Variants in CEP350 observed in about 807,000 individuals in gnomAD.
CEP350 encodes the protein centrosomal protein 350, also known as centrosome-associated protein 350.
CEP350 carries 126 observed loss-of-function variants against 331.8 expected under a neutral mutation model. That is an observed-to-expected ratio of 0.38 (90% CI 0.33 to 0.44). The LOEUF (loss-of-function observed/expected upper bound fraction) is 0.44, where lower values mean the gene tolerates loss of function less well. Ranked by LOEUF, CEP350 falls within the 20% of genes least tolerant of loss-of-function variation. CEP350 has a pLI of 1.00. For missense variants in CEP350, 3,406 were observed against 3,634.6 expected (o/e 0.94, Z 1.62); for synonymous variants, 1,200 against 1,259.5 (o/e 0.95, Z 1.00).
chr1:180,006,869 G>C (rs922455309), intron 8 of CEP350, among the ~76,000 whole-genome samples: 3 of 152,060 alleles, frequency 2.0e-5, no homozygotes, highest in African/African-American at 7.2e-5. Context: ...TTGGTTTTCT[G>C]TTCCTGTGTT....
At chr1:180,013,675 TA>T (rs1374930872) in intron 9 of CEP350, among the ~76,000 whole-genome samples, 171 bp from the exon 10 acceptor site, 2 of 152,206 alleles carry the variant, frequency 1.3e-5, no homozygotes, top group Non-Finnish European at 2.9e-5. Flanking sequence ...CTTTTACTGC[TA>T]AAAAGGGAGG....
intron 25 of CEP350, among the ~76,000 whole-genome samples, chr1:180,058,534 T>G (rs1013521040): frequency 6.6e-6 from 1 of 152,104 alleles, no homozygotes; most frequent in Non-Finnish European, 1.5e-5. Context: ...AAACCACATA[T>G]AGAAATGATA....
At chr1:180,061,923 GT>G (rs1558134287) in intron 25 of CEP350, among the ~76,000 whole-genome samples, 3 of 152,042 alleles carry the variant, frequency 2.0e-5, no homozygotes, top group African/African-American at 7.2e-5. Flanking sequence ...AAGTGTAAAC[GT>G]TGAGTAGCAT....
At chr1:180,099,043 C>T (rs1311318168) in intron 37 of CEP350, 58 bp downstream of exon 37, 8 of 1,526,816 alleles carry the variant, frequency 5.2e-6, no homozygotes, top group Middle Eastern at 4.5e-4. Flanking sequence ...ACTCAGAATG[C>T]AGTTAGATTC....
At chr1:180,031,019 A>G (rs1267235688) in intron 14 of CEP350, among the ~76,000 whole-genome samples, 1 of 152,024 alleles carries the variant, frequency 6.6e-6, no homozygotes, top group East Asian at 1.9e-4. Flanking sequence ...TTACTTTTTC[A>G]TAGGGATAGA....
chr1:180,045,574 C>G (rs1657066464), intron 21 of CEP350, among the ~76,000 whole-genome samples: 1 of 152,100 alleles, frequency 6.6e-6, no homozygotes, highest in Non-Finnish European at 1.5e-5. Context: ...TATTGAGTAG[C>G]TATTATGTCT....
chr1:179,987,200 T>G (rs1042148214), intron 2 of CEP350, 40 bp from the exon 3 acceptor site: 5 of 1,113,646 alleles, frequency 4.5e-6, no homozygotes, highest in Admixed American at 4.4e-5. Flanking sequence ...ATTCAGAGAT[T>G]CTGGTTGATT....
rs1652704355 is a variant in CEP350 at position 179,987,247 on chromosome 1, A to T, written c.81A>T (p.Ile27=). The T allele has an allele frequency of 6.5e-7, 1 of 1,543,976 alleles. No homozygotes were observed. Among genetic ancestry groups the T allele is most frequent in the Non-Finnish European group, 8.9e-7 (1 of 1,124,310 alleles). ...SQSKDTVQAD[I]TTSWDALSQT... is the part of the protein sequence containing the mutation. The stretch of plus-strand genomic sequence containing the variant: ...TATCATTTTTTTTCCCAGCAGATAT[A>T]ACCACATCGTGGGATGCACTTTCTC... The change falls in exon 3 of 38, where the codon ATA becomes ATT. Residue 27 remains isoleucine (I), a synonymous_variant. Transcript: ENST00000367607.
At chr1:180,040,154 C>T (rs1296524120) in intron 17 of CEP350, among the ~76,000 whole-genome samples, 2 of 151,786 alleles carry the variant, frequency 1.3e-5, no homozygotes, top group Non-Finnish European at 2.9e-5. Flanking sequence ...CGCCACTGCC[C>T]GACTAAATAA....
intron 1 of CEP350, chr1:179,969,171 G>T: frequency 1.7e-6 from 1 of 587,876 alleles, no homozygotes; most frequent in South Asian, 1.5e-5. Flanking sequence ...GTGCTGGCCG[G>T]GGAAGTTCTG....
chr1:179,986,569 T>C (rs1652661995), intron 2 of CEP350, among the ~76,000 whole-genome samples: 1 of 152,148 alleles, frequency 6.6e-6, no homozygotes, highest in African/African-American at 2.4e-5. Context: ...CAGATAATAA[T>C]AGTAACAGTC....
chr1:180,071,445 G>A (rs1243600101), intron 27 of CEP350, among the ~76,000 whole-genome samples: 1 of 143,584 alleles, frequency 7.0e-6, no homozygotes, highest in East Asian at 2.0e-4. Flanking sequence ...GGCAACACGA[G>A]TGAAACTCCA....
At chr1:180,007,852 G>GTGTGTGTGTA in intron 8 of CEP350, among the ~76,000 whole-genome samples, 1 of 150,384 alleles carries the variant, frequency 6.6e-6, no homozygotes, top group African/African-American at 2.5e-5. Flanking sequence ...GTGTGTGTGT[G>GTGTGTGTGTA]TGTGTGTGTG....
In CEP350 at chr1:180,093,130, C is replaced by A; in HGVS notation, c.7025C>A (p.Pro2342Gln). The A allele has an allele frequency of 6.2e-7, 1 of 1,601,230 alleles. No homozygotes were observed. Among genetic ancestry groups the A allele is most frequent in the South Asian group, 1.1e-5 (1 of 88,984 alleles). The stretch of plus-strand genomic sequence containing the variant: ...TCAGATCAAGATATGAATCATAGTC[C>A]AAACATCCAATCAGGAAAAGACATT... ...RQSDQDMNHS[P>Q]NIQSGKDIHE... Residue 2342 changes from proline to glutamine, a missense_variant, in exon 34 of 38, where the codon CCA (proline) becomes CAA (glutamine). By Grantham distance (76) the Pro-to-Gln change is moderately conservative (BLOSUM62 -1). Around this residue, in one of 5 missense-constraint regions of CEP350, gnomAD observed 1,415 missense variants for 1,512.3 expected, o/e 0.94. Transcript: ENST00000367607.
chr1:180,018,597 A>T (rs1332529921), intron 11 of CEP350, among the ~76,000 whole-genome samples: 2 of 152,138 alleles, frequency 1.3e-5, no homozygotes, highest in Non-Finnish European at 2.9e-5. Flanking sequence ...CATGCTTTTC[A>T]ACTTATTATT....
intron 13 of CEP350, among the ~76,000 whole-genome samples, 159 bp downstream of exon 13, chr1:180,023,007 C>T (rs1307641077): frequency 6.6e-6 from 1 of 152,128 alleles, no homozygotes; most frequent in Non-Finnish European, 1.5e-5. Flanking sequence ...TGGATCCAGA[C>T]TGCCTTTGTT....
At chr1:180,061,675 G>A (rs1658239363) in intron 25 of CEP350, among the ~76,000 whole-genome samples, 1 of 152,164 alleles carries the variant, frequency 6.6e-6, no homozygotes, top group African/African-American at 2.4e-5. Context: ...GACAGGGGCA[G>A]TCCTTTTTTG....
intron 21 of CEP350, among the ~76,000 whole-genome samples, chr1:180,047,523 G>A (rs533515573): frequency 2.6e-5 from 4 of 151,924 alleles, no homozygotes; most frequent in Admixed American, 1.3e-4. Flanking sequence ...TTGGGAGACC[G>A]AGGCAGGTGG....
rs145463492 is a variant in CEP350 at position 180,094,000 on chromosome 1, G to A, written c.7895G>A (p.Ser2632Asn). Residue 2632 changes from serine to asparagine, a missense_variant, in exon 34 of 38, where the codon AGC (serine) becomes AAC (asparagine). Transcript: ENST00000367607. Reference protein sequence around the residue: ...DIEASVNRSRSLKIETDNVQD... With the variant: ...DIEASVNRSRNLKIETDNVQD... ...GAAGCCTCAGTTAATAGAAGTAGAAGCCTTAAAATAGAAACAGACAATGTA... is the reference window on the plus strand; with the variant it reads ...GAAGCCTCAGTTAATAGAAGTAGAAACCTTAAAATAGAAACAGACAATGTA... The A allele has an allele frequency of 6.2e-7, 1 of 1,613,680 alleles. No homozygotes were observed. Among genetic ancestry groups the A allele is most frequent in the African/African-American group, 1.3e-5 (1 of 74,912 alleles).
Sources: gnomAD v4.1 joint callset for allele counts (sites outside exome capture counted in the v4.1 genomes callset) on GRCh38, gnomAD v4.1.1 for gene constraint, gnomAD v4.1.1 regional missense constraint, MANE v1.5 for transcripts, NCBI Gene and HGNC (gene_info 2026-07-23, HGNC 2026-07-21) for gene names.